Variants in COX5A observed in about 807,000 individuals in gnomAD.
The protein encoded by COX5A is cytochrome c oxidase subunit 5A, mitochondrial.
COX5A carries 6 observed loss-of-function variants against 16.1 expected under a neutral mutation model. That is an observed-to-expected ratio of 0.37 (90% confidence interval 0.20 to 0.73). COX5A has a LOEUF of 0.73. COX5A is among the 30% of genes least tolerant of loss of function. The pLI, the probability that COX5A is intolerant of heterozygous loss-of-function variation, is 0.50. For synonymous variants in COX5A, 73 were observed against 73.8 expected (o/e 0.99, Z 0.06); for missense variants, 159 against 194.9 (o/e 0.82, Z 1.10).
At chr15:74,936,220 C>A (rs1383127070) in intron 1 of COX5A, among the ~76,000 whole-genome samples, 1 of 151,888 alleles carries the variant, frequency 6.6e-6, no homozygotes, top group African/African-American at 2.4e-5. Context: ...GAGCCAAGAC[C>A]GTGCTATTGC....
intron 1 of COX5A, among the ~76,000 whole-genome samples, chr15:74,936,972 G>C (rs1405723908): frequency 7.9e-5 from 12 of 152,062 alleles, no homozygotes. Flanking sequence ...CCTGAAACGA[G>C]TTTCTGAGTT....
At chr15:74,937,758 T>C in intron 1 of COX5A, 157 bp downstream of exon 1, 1 of 425,478 alleles carries the variant, frequency 2.4e-6, no homozygotes, top group Middle Eastern at 6.2e-4. Context: ...GGTCCTCCAC[T>C]ACTCGAGGCG....
intron 1 of COX5A, among the ~76,000 whole-genome samples, chr15:74,936,036 A>C (rs1448295246): frequency 1.3e-5 from 2 of 151,772 alleles, no homozygotes; most frequent in African/African-American, 4.8e-5. Context: ...CACGCCTGTA[A>C]TCCCAGCACT....
rs1175677214 is a variant in COX5A, at chr15:74,926,863, T to C, written c.242A>G (p.Asp81Gly). 6.2e-7 allele frequency: 1 copy of C among 1,613,668 alleles called. No homozygotes were observed. Among genetic ancestry groups the C allele is most frequent in the Non-Finnish European group, 8.5e-7 (1 of 1,179,846 alleles). Residue 81 changes from aspartate (D) to glycine (G), a missense_variant, in exon 3 of 5, where the codon GAT becomes GGT. Asp to Gly is a moderately conservative substitution (Grantham distance 94, BLOSUM62 -1). Coordinates refer to ENST00000322347, the MANE Select transcript of COX5A (RefSeq NM_004255.4). The part of the protein sequence containing the change: ...RKGINTLVTY[D>G]MVPEPKIIDA... Reference sequence around the variant, plus strand: ...AATGATTTTGGGCTCTGGAACCATATCATAGGTAACAAGTGTGTTTATCCC... The same window carrying C: ...AATGATTTTGGGCTCTGGAACCATACCATAGGTAACAAGTGTGTTTATCCC...
intron 1 of COX5A, among the ~76,000 whole-genome samples, chr15:74,933,231 T>C (rs1272582820): frequency 1.3e-5 from 2 of 151,672 alleles, no homozygotes; most frequent in Admixed American, 6.6e-5. Context: ...CTGGCCAACA[T>C]GGTGAAACCC....
intron 3 of COX5A, among the ~76,000 whole-genome samples, chr15:74,924,349 C>G (rs1030636485): frequency 1.3e-5 from 2 of 151,966 alleles, no homozygotes; most frequent in African/African-American, 4.8e-5. Flanking sequence ...CCATCCTGAC[C>G]AACATGGTGA....
intron 3 of COX5A, among the ~76,000 whole-genome samples, chr15:74,923,996 A>G (rs1358888282): frequency 6.6e-6 from 1 of 151,896 alleles, no homozygotes; most frequent in Non-Finnish European, 1.5e-5. Context: ...CCTGGACAAC[A>G]TGGTGAAATC....
chr15:74,922,376 C>T (rs1202485412), intron 4 of COX5A, among the ~76,000 whole-genome samples: 1 of 147,952 alleles, frequency 6.8e-6, no homozygotes. Context: ...CAGAGTGAGA[C>T]TCCGTCTCAA....
At position 74,923,675 on chromosome 15, in the gene COX5A, C is replaced by G. The variant is rs778737237; in HGVS notation, c.435G>C (p.Leu145=). Residue 145 remains leucine, a synonymous_variant, in exon 4 of 5, where the codon CTG becomes CTC. Coordinates refer to ENST00000322347, the MANE Select transcript of COX5A (RefSeq NM_004255.4). ...ATGCGGTTTACACTTTGTCAAGGCCCAGTTCCTCCGGAGTGGAGATTCCCA... is the reference window on the plus strand; with the variant it reads ...ATGCGGTTTACACTTTGTCAAGGCCGAGTTCCTCCGGAGTGGAGATTCCCA... ...NELGISTPEE[L]GLDKV 26 of 1,610,488 alleles carry G rather than the reference C, an allele frequency of 1.6e-5. No homozygotes were observed. Among genetic ancestry groups the G allele is most frequent in the Non-Finnish European group, 2.2e-5 (26 of 1,178,482 alleles).
At chr15:74,923,154 G>A (rs573772237) in intron 4 of COX5A, among the ~76,000 whole-genome samples, 5 of 152,068 alleles carry the variant, frequency 3.3e-5, no homozygotes, top group African/African-American at 7.2e-5. Context: ...TGCCGGGCGC[G>A]GTGGCTCAAG....
intron 2 of COX5A, 142 bp from the exon 3 acceptor site, chr15:74,927,029 T>C: frequency 2.5e-6 from 2 of 799,272 alleles, no homozygotes; most frequent in Non-Finnish European, 3.7e-6. Context: ...GAGAGAAACC[T>C]ACCTTTAACA....
At chr15:74,921,082 C>G (rs1366035242) in intron 4 of COX5A, among the ~76,000 whole-genome samples, 2 of 152,134 alleles carry the variant, frequency 1.3e-5, no homozygotes, top group African/African-American at 2.4e-5. Context: ...AAAATGAAAA[C>G]TAAAACCATC....
intron 4 of COX5A, among the ~76,000 whole-genome samples, chr15:74,921,245 A>G (rs1478367689): frequency 2.0e-5 from 3 of 150,178 alleles, no homozygotes; most frequent in Non-Finnish European, 3.0e-5. Context: ...CGTCTCTACT[A>G]AAAATACAAA....
intron 2 of COX5A, 125 bp downstream of exon 2, chr15:74,928,991 T>G: frequency 1.4e-6 from 1 of 718,654 alleles, no homozygotes; most frequent in South Asian, 1.7e-5. Flanking sequence ...CTTTCCTAAC[T>G]GCAAGTTGCA....
chr15:74,937,289 TA>T (rs1197319369), intron 1 of COX5A, among the ~76,000 whole-genome samples: 4 of 152,168 alleles, frequency 2.6e-5, no homozygotes, highest in Admixed American at 1.3e-4. Flanking sequence ...AAAAGAGTGA[TA>T]TTTTTATCAT....
chr15:74,922,576 T>C (rs1023104027), intron 4 of COX5A, among the ~76,000 whole-genome samples: 2 of 151,934 alleles, frequency 1.3e-5, no homozygotes, highest in Non-Finnish European at 2.9e-5. Flanking sequence ...AAACTCCTGA[T>C]ACTCCTGAAC....
chr15:74,930,141 C>A (rs190714628), intron 1 of COX5A, among the ~76,000 whole-genome samples: 213 of 151,190 alleles, frequency 1.4e-3, no homozygotes, highest in Non-Finnish European at 2.0e-3. Flanking sequence ...AAGACTAGGC[C>A]GGGCGCAGTG....
chr15:74,932,606 T>G (rs2065372244), intron 1 of COX5A, among the ~76,000 whole-genome samples: 1 of 151,984 alleles, frequency 6.6e-6, no homozygotes, highest in Non-Finnish European at 1.5e-5. Flanking sequence ...GCAGAAAAGA[T>G]CTTCCCAGAG....
chr15:74,935,410 ACT>A (rs2141275058), intron 1 of COX5A, among the ~76,000 whole-genome samples: 1 of 151,808 alleles, frequency 6.6e-6, no homozygotes, highest in East Asian at 1.9e-4. Flanking sequence ...GGAGGGAGGC[ACT>A]CCTGAGCCCA....
Sources: allele counts gnomAD v4.1 joint callset (sites outside exome capture counted in the v4.1 genomes callset), GRCh38; gene constraint gnomAD v4.1.1; transcripts MANE v1.5; gene names NCBI Gene and HGNC (gene_info 2026-07-23, HGNC 2026-07-21).